NPIPB2: variants seen among roughly 807,000 people sequenced by gnomAD.
NPIPB2 encodes the protein nuclear pore complex interacting protein family member B2.
In NPIPB2, 27 loss-of-function variants were observed where a neutral mutation model predicts 30.8. That is an observed-to-expected ratio of 0.88 (90% confidence interval 0.65 to 1.21). NPIPB2 has a LOEUF of 1.21. NPIPB2 is among the 50% of genes most tolerant of loss of function. NPIPB2 has a pLI of 0.00. For missense variants in NPIPB2, 440 were observed against 446.2 expected, an observed-to-expected ratio of 0.99 and a Z score of 0.13; for synonymous variants, 147 against 162.0, an observed-to-expected ratio of 0.91 and a Z score of 0.70.
Position 11,967,859 on chromosome 16 carries a change from G to A in NPIPB2, c.-584+8709C>T, listed in dbSNP as rs374545778. On this transcript the variant is annotated intron_variant, in intron 1 of 5. Coordinates refer to the NPIPB2 transcript ENST00000538896. Reference sequence around the variant, plus strand: ...TTTCTGCTAGGTAATTAACCATTTCGACTCGAGCAGTGCCACTTTAAAAAT... The same window carrying A: ...TTTCTGCTAGGTAATTAACCATTTCAACTCGAGCAGTGCCACTTTAAAAAT... 55 of 1,610,202 alleles carry A rather than the reference G, an allele frequency of 3.4e-5. No homozygotes were observed. The African/African-American group carries it at 3.6e-4, about 11-fold the overall frequency.
At chr16:11,941,889 C>T in intron 1 of NPIPB2, 94 bp downstream of exon 1, 2 of 941,526 alleles carry the variant, frequency 2.1e-6, no homozygotes, top group South Asian at 1.4e-5. Flanking sequence ...CTGGGCGCTC[C>T]TTCCTTCCTG....
At chr16:11,955,943 C>T (rs143069302) in intron 1 of NPIPB2, among the ~76,000 whole-genome samples, 89 of 151,968 alleles carry the variant, frequency 5.9e-4, no homozygotes, top group Middle Eastern at 3.4e-3. Flanking sequence ...ACTCAGCCAG[C>T]CCCAGGCCTC....
intron 1 of NPIPB2, among the ~76,000 whole-genome samples, chr16:11,959,489 C>A (rs1413857833): frequency 6.6e-6 from 1 of 151,930 alleles, no homozygotes; most frequent in Non-Finnish European, 1.5e-5. Context: ...ACCTGAGAGG[C>A]TGAGGCGGGA....
intron 1 of NPIPB2, among the ~76,000 whole-genome samples, chr16:11,951,554 C>CAA (rs1239910905): frequency 1.3e-5 from 2 of 149,352 alleles, no homozygotes; most frequent in African/African-American, 4.9e-5. Flanking sequence ...TTTATACATC[C>CAA]TTCTCCTCAA....
intron 1 of NPIPB2, among the ~76,000 whole-genome samples, chr16:11,964,932 A>G (rs2055181512): frequency 1.3e-5 from 2 of 152,192 alleles, no homozygotes; most frequent in Admixed American, 6.6e-5. Context: ...CCTCTCACAG[A>G]GTACAGCTTA....
intron 4 of NPIPB2, among the ~76,000 whole-genome samples, chr16:11,932,497 G>T (rs1373453894): frequency 6.6e-6 from 1 of 151,902 alleles, no homozygotes; most frequent in African/African-American, 2.4e-5. Flanking sequence ...CAAAAATTGG[G>T]CTGGGAACGG....
At chr16:11,972,268 T>C (rs1025066543) in intron 1 of NPIPB2, among the ~76,000 whole-genome samples, 8 of 152,102 alleles carry the variant, frequency 5.3e-5, no homozygotes, top group African/African-American at 1.9e-4. Flanking sequence ...AGATTGTAAA[T>C]GTTTCCTACT....
At chr16:11,967,964 T>C in intron 1 of NPIPB2, 2 of 1,174,832 alleles carry the variant, frequency 1.7e-6, no homozygotes, top group Admixed American at 2.6e-5. Context: ...TTTTGTCCTC[T>C]AACTGTGGAA....
intron 1 of NPIPB2, chr16:11,968,143 A>C: frequency 3.4e-6 from 1 of 295,340 alleles, no homozygotes; most frequent in Non-Finnish European, 6.3e-6. Context: ...GTGGGAGAGA[A>C]AGGTGGGAGG....
intron 1 of NPIPB2, among the ~76,000 whole-genome samples, chr16:11,972,825 G>A (rs1032975289): frequency 6.7e-6 from 1 of 149,740 alleles, no homozygotes; most frequent in Non-Finnish European, 1.5e-5. Flanking sequence ...GATCACGCCA[G>A]TGCATTCCAG....
chr16:11,976,226 GCCTATTTTCTCACTCATCC>G (rs941944948), intron 1 of NPIPB2, among the ~76,000 whole-genome samples: 3 of 152,084 alleles, frequency 2.0e-5, no homozygotes, highest in African/African-American at 7.2e-5. Context: ...ACCGCACCAG[GCCTATTTTCTCACTCATCC>G]CCTCGCTCCT....
chr16:11,961,239 A>C (rs1224177284), intron 1 of NPIPB2, among the ~76,000 whole-genome samples: 1 of 152,088 alleles, frequency 6.6e-6, no homozygotes, highest in South Asian at 2.1e-4. Flanking sequence ...TCCAAAGGTC[A>C]GCAATCTGGC....
At chr16:11,973,558 G>A (rs1266654055) in intron 1 of NPIPB2, among the ~76,000 whole-genome samples, 2 of 152,094 alleles carry the variant, frequency 1.3e-5, no homozygotes, top group African/African-American at 2.4e-5. Flanking sequence ...GAGTTCAGCA[G>A]CTTATAAATT....
chr16:11,942,879 G>A (rs1355120336), upstream of NPIPB2, among the ~76,000 whole-genome samples: 1 of 152,070 alleles, frequency 6.6e-6, no homozygotes, highest in African/African-American at 2.4e-5. Context: ...TCAGGCCTCT[G>A]GCAGCTGAAA....
At position 11,959,674 on chromosome 16, in the gene NPIPB2, A is replaced by AT. The variant is rs567965460; in HGVS notation, c.-584+16893dup. ...AAAGTGAGTCTTTTTCTTTCTTTAGATTTTGTCTATTGCCAGAGACAGTCC... is the reference window on the plus strand; with the variant it reads ...AAAGTGAGTCTTTTTCTTTCTTTAGATTTTTGTCTATTGCCAGAGACAGTCC... On this transcript the variant is annotated intron_variant, in intron 1 of 5. Coordinates refer to the NPIPB2 transcript ENST00000538896. Among the ~76,000 whole-genome samples the AT allele has an allele frequency of 1.4e-3, 216 of 152,188 alleles. 1 individual carries two copies. The highest frequency in any genetic ancestry group is 2.5e-3 in the Non-Finnish European group (168 of 67,992).
chr16:11,958,873 T>G (rs1160073779), intron 1 of NPIPB2, among the ~76,000 whole-genome samples: 1 of 152,222 alleles, frequency 6.6e-6, no homozygotes, highest in Non-Finnish European at 1.5e-5. Flanking sequence ...AATGAGACTT[T>G]GCACAATTAT....
chr16:11,970,029 T>C (rs968708278), intron 1 of NPIPB2, among the ~76,000 whole-genome samples: 16 of 151,442 alleles, frequency 1.1e-4, no homozygotes, highest in Non-Finnish European at 1.6e-4. Context: ...ACCCGGCCTA[T>C]ACTAACTCAT....
chr16:11,949,010 C>T (rs562997751), intron 1 of NPIPB2, among the ~76,000 whole-genome samples: 19 of 151,452 alleles, frequency 1.3e-4, no homozygotes, highest in African/African-American at 1.5e-4. Context: ...TGGTGCCTGC[C>T]GCATGCCTGT....
At chr16:11,941,601 A>G (rs1294684075) in intron 1 of NPIPB2, among the ~76,000 whole-genome samples, 1 of 112,288 alleles carries the variant, frequency 8.9e-6, no homozygotes, top group Non-Finnish European at 1.8e-5. Context: ...GGGCAATTAG[A>G]GGGAGACAAA....
Sources: allele counts gnomAD v4.1 joint callset (sites outside exome capture counted in the v4.1 genomes callset), GRCh38; gene constraint gnomAD v4.1.1; transcripts MANE v1.5; gene names NCBI Gene and HGNC (gene_info 2026-07-23, HGNC 2026-07-21).